JAG1: variants seen among roughly 807,000 people sequenced by gnomAD.
JAG1 encodes jagged canonical Notch ligand 1.
Under a neutral mutation model 148.7 loss-of-function variants are expected in JAG1, and 23 were observed. The observed-to-expected ratio is 0.15, with a 90% CI of 0.11 to 0.22. The LOEUF is 0.22. Among genes scored for constraint, JAG1 ranks in the 10% least tolerant of loss-of-function variants. JAG1 has a pLI of 1.00. For synonymous variants in JAG1, 572 were observed against 598.3 expected (o/e 0.96, Z 0.64); for missense variants, 1,054 against 1,611.2 (o/e 0.65, Z 5.92).
intron 19 of JAG1, 64 bp downstream of exon 19, chr20:10,644,293 C>CAT: frequency 8.4e-7 from 1 of 1,189,466 alleles, no homozygotes; most frequent in Non-Finnish European, 1.2e-6. Context: ...CACACACACA[C>CAT]ACACACACAC....
intron 3 of JAG1, among the ~76,000 whole-genome samples, chr20:10,662,007 T>A (rs1238806354): frequency 6.6e-6 from 1 of 152,160 alleles, no homozygotes; most frequent in Non-Finnish European, 1.5e-5. Flanking sequence ...AGGGACTGCT[T>A]TTGGCAAGAG....
At chr20:10,646,910 T>A (rs1405416600) in intron 14 of JAG1, 29 bp downstream of exon 14, 8 of 1,611,204 alleles carry the variant, frequency 5.0e-6, no homozygotes, top group Non-Finnish European at 5.9e-6. Flanking sequence ...TGGGGAGCAC[T>A]GGTCCATTCC....
At chr20:10,664,905 A>G (rs1383631016) in intron 2 of JAG1, among the ~76,000 whole-genome samples, 1 of 152,202 alleles carries the variant, frequency 6.6e-6, no homozygotes, top group Non-Finnish European at 1.5e-5. Flanking sequence ...AGCTATTAGC[A>G]AATTCCCTCC....
intron 3 of JAG1, among the ~76,000 whole-genome samples, chr20:10,660,084 C>T (rs866744341): frequency 5.9e-5 from 9 of 152,310 alleles, no homozygotes; most frequent in Non-Finnish European, 1.2e-4. Flanking sequence ...GTGATTCTTA[C>T]CCACCCACAT....
At chr20:10,658,807 T>C (rs1248464048) in intron 3 of JAG1, 85 bp from the exon 4 acceptor site, 2 of 1,406,686 alleles carry the variant, frequency 1.4e-6, no homozygotes, top group Non-Finnish European at 2.0e-6. Flanking sequence ...TAAAAACATA[T>C]GCACCTGCTA....
rs377617900 is a variant in JAG1 at position 10,639,853 on chromosome 20, C to T, written c.3302G>A (p.Ser1101Asn). ...GTCCTCAGAGGCTGAGTGTGTGTGG[C>T]TGCCCGGCTTCCGCCGCTTCCGCAG... ...WCLRKRRKPGSHTHSASEDNT... is the reference protein window; with the variant it reads ...WCLRKRRKPGNHTHSASEDNT... The change falls in exon 26 of 26, where the codon AGC becomes AAC. Residue 1101 changes from serine (S) to asparagine (N), a missense_variant. Physicochemically the swap from Ser to Asn is conservative, Grantham distance 46 (BLOSUM62 1). Coordinates refer to ENST00000254958, the MANE Select transcript of JAG1 (RefSeq NM_000214.3). The T allele has an allele frequency of 9.3e-6, 15 of 1,614,142 alleles. No homozygotes were observed. The African/African-American group carries it at 1.9e-4, about 20-fold the overall frequency.
intron 5 of JAG1, among the ~76,000 whole-genome samples, chr20:10,654,744 T>G (rs540681267): frequency 7.9e-5 from 12 of 152,262 alleles, no homozygotes; most frequent in Non-Finnish European, 1.3e-4. Context: ...AATAAGGCCA[T>G]CAGTGCGTGT....
chr20:10,665,351 A>C (rs1021303579), intron 2 of JAG1, among the ~76,000 whole-genome samples: 1 of 152,214 alleles, frequency 6.6e-6, no homozygotes, highest in Admixed American at 6.5e-5. Context: ...GCAGAGTAGG[A>C]TTCCATTTCG....
Position 10,648,786 on chromosome 20 carries a change from G to C in JAG1, c.1396-64C>G, listed in dbSNP as rs2067325973. The C allele has an allele frequency of 2.7e-6, 4 of 1,490,688 alleles. No homozygotes were observed. In the Admixed American group the frequency reaches 6.8e-5, roughly 25 times the overall value. 92.3% of individuals were successfully genotyped at this position (1,490,688 alleles called of 1,614,324 possible). On this transcript the variant is annotated intron_variant, in intron 11 of 25. Coordinates refer to ENST00000254958, the MANE Select transcript of JAG1 (RefSeq NM_000214.3). ...TTTCTATGTATTCCACAAACACAGGGCTTCAGCGGTTTAGCATGACTGTTG... is the reference window on the plus strand; with the variant it reads ...TTTCTATGTATTCCACAAACACAGGCCTTCAGCGGTTTAGCATGACTGTTG...
intron 2 of JAG1, 109 bp downstream of exon 2, chr20:10,672,592 G>T: frequency 1.8e-6 from 2 of 1,098,128 alleles, no homozygotes; most frequent in African/African-American, 1.5e-5. Flanking sequence ...CCCAGTTAGC[G>T]CCTAGTTTCA....
At chr20:10,649,454 C>T in intron 10 of JAG1, 68 bp downstream of exon 10, 1 of 949,418 alleles carries the variant, frequency 1.1e-6, no homozygotes, top group Admixed American at 1.8e-5. Context: ...GGACTGGAGC[C>T]CCAGTACGGA....
chr20:10,651,302 G>A (rs1392892485), intron 8 of JAG1: 2 of 407,484 alleles, frequency 4.9e-6, no homozygotes, highest in Non-Finnish European at 9.1e-6. Flanking sequence ...AACCACAATT[G>A]GAAGGTGGCC....
chr20:10,642,708 T>C, intron 20 of JAG1, 107 bp from the exon 21 acceptor site: 2 of 759,518 alleles, frequency 2.6e-6, no homozygotes, highest in Non-Finnish European at 4.7e-6. Context: ...ATAAGCTTGA[T>C]GAATTTTCAC....
intron 25 of JAG1, among the ~76,000 whole-genome samples, chr20:10,640,503 A>C (rs939056846): frequency 6.6e-6 from 1 of 152,230 alleles, no homozygotes; most frequent in Non-Finnish European, 1.5e-5. Context: ...CTCAAGGACA[A>C]AGGACAAGCA....
rs555381992 is a variant in JAG1 at position 10,638,716 on chromosome 20, A to C, written c.*782T>G. Reference sequence around the variant, plus strand: ...AAAATAAACTATTTTCAAACACCTTAATTTTGGCTTATAGGCAACAAGTAA... The same window carrying C: ...AAAATAAACTATTTTCAAACACCTTCATTTTGGCTTATAGGCAACAAGTAA... On this transcript the variant is annotated 3_prime_UTR_variant, in exon 26 of 26. Transcript: ENST00000254958. 1.3e-5 allele frequency: 2 copies of C among 152,748 alleles called. No homozygotes were observed. The highest frequency in any genetic ancestry group is 4.8e-5 in the African/African-American group (2 of 41,566). The allele number at this position is 152,748 out of a possible 1,614,324, so 9.5% of individuals were successfully genotyped here.
intron 25 of JAG1, 106 bp from the exon 26 acceptor site, chr20:10,640,061 A>C: frequency 1.1e-6 from 1 of 879,588 alleles, no homozygotes; most frequent in Non-Finnish European, 1.9e-6. Flanking sequence ...CTTTATCCCT[A>C]AGAGGGGGGC....
At position 10,638,616 on chromosome 20, in the gene JAG1, G is replaced by A. The variant is rs975764855; in HGVS notation, c.*882C>T. ...ACGTGTTTTAAGTGATGCTATAGAAGGTGTTTTAAACATCTGACGTCGTAC... is the reference window on the plus strand; with the variant it reads ...ACGTGTTTTAAGTGATGCTATAGAAAGTGTTTTAAACATCTGACGTCGTAC... On this transcript the variant is annotated 3_prime_UTR_variant, in exon 26 of 26. Transcript: ENST00000254958. 7 of 150,790 alleles carry A rather than the reference G, an allele frequency of 4.6e-5. No homozygotes were observed. The highest frequency in any genetic ancestry group is 7.4e-5 in the Non-Finnish European group (5 of 67,628). The allele number at this position is 150,790 out of a possible 1,614,324, so 9.3% of individuals were successfully genotyped here. A position where few individuals can be genotyped will look rare whatever the true frequency, so the allele number is the denominator to read the frequency against.
At chr20:10,651,776 C>T in intron 7 of JAG1, 82 bp from the exon 8 acceptor site, 1 of 840,562 alleles carries the variant, frequency 1.2e-6, no homozygotes, top group Non-Finnish European at 2.0e-6. Flanking sequence ...GAATCCCACA[C>T]CACAGCCACT....
intron 2 of JAG1, among the ~76,000 whole-genome samples, chr20:10,666,273 T>C (rs1294602695): frequency 6.6e-6 from 1 of 152,224 alleles, no homozygotes; most frequent in Non-Finnish European, 1.5e-5. Context: ...ACAATGATTA[T>C]TAGTTGCTAG....
Sources: gnomAD v4.1 joint callset for allele counts (sites outside exome capture counted in the v4.1 genomes callset) on GRCh38, gnomAD v4.1.1 for gene constraint, MANE v1.5 for transcripts, NCBI Gene and HGNC (gene_info 2026-07-23, HGNC 2026-07-21) for gene names.